Variants in SLC17A6 observed in about 807,000 individuals in gnomAD.
SLC17A6 encodes solute carrier family 17 member 6.
A neutral mutation model predicts 67.1 loss-of-function variants in SLC17A6; 35 were observed. The ratio of observed to expected loss-of-function variants is 0.52; its 90% CI spans 0.40 to 0.69. SLC17A6 has a LOEUF of 0.69. Ranked by LOEUF, SLC17A6 falls within the 30% of genes least tolerant of loss-of-function variation. SLC17A6 has a pLI of 0.00. For missense variants in SLC17A6, 588 were observed against 723.9 expected, an observed-to-expected ratio of 0.81 and a Z score of 2.15; for synonymous variants, 285 against 252.3, an observed-to-expected ratio of 1.13 and a Z score of -1.23.
intron 8 of SLC17A6, among the ~76,000 whole-genome samples, chr11:22,371,619 G>C (rs1856176577): frequency 1.3e-5 from 2 of 151,642 alleles, no homozygotes; most frequent in African/African-American, 4.8e-5. Context: ...GGCAGAGTGA[G>C]GAAGCCAACT....
At chr11:22,376,955 C>A (rs1564988211) in intron 11 of SLC17A6, among the ~76,000 whole-genome samples, 1 of 152,134 alleles carries the variant, frequency 6.6e-6, no homozygotes. Context: ...TATTAAAATA[C>A]TCAAGCAGAT....
In SLC17A6 at chr11:22,341,797, C is replaced by G; in HGVS notation, c.339+17C>G. 6.2e-7 allele frequency: 1 copy of G among 1,611,914 alleles called. No homozygotes were observed. The highest frequency in any genetic ancestry group is 1.3e-5 in the African/African-American group (1 of 75,040). ...ATCAAGGAGGTGGGCAACGTCTGGC[C>G]GCCCTGGCTCCTGCCCTTCGGCCAT... On this transcript the variant is annotated intron_variant, in intron 2 of 11. Transcript: ENST00000263160.
intron 1 of SLC17A6, among the ~76,000 whole-genome samples, chr11:22,339,176 A>G (rs952831074): frequency 1.6e-4 from 9 of 55,510 alleles, no homozygotes; most frequent in African/African-American, 3.9e-4. Flanking sequence ...TTATATATAT[A>G]TGTTTTATAT....
At chr11:22,342,320 G>C in intron 2 of SLC17A6, among the ~76,000 whole-genome samples, 1 of 152,064 alleles carries the variant, frequency 6.6e-6, no homozygotes, top group East Asian at 1.9e-4. Context: ...CCCAGAGAGG[G>C]GAGGGTCACG....
intron 9 of SLC17A6, 91 bp downstream of exon 9, chr11:22,374,978 C>A: frequency 8.0e-7 from 1 of 1,248,168 alleles, no homozygotes; most frequent in Non-Finnish European, 1.1e-6. Flanking sequence ...TATCAAATTA[C>A]TTAGATGCAG....
intron 3 of SLC17A6, among the ~76,000 whole-genome samples, chr11:22,352,542 A>T (rs1026899793): frequency 8.5e-5 from 13 of 152,258 alleles, no homozygotes; most frequent in African/African-American, 3.1e-4. Flanking sequence ...CACAAAAAGA[A>T]TTGGATGCTC....
intron 10 of SLC17A6, 58 bp from the exon 11 acceptor site, chr11:22,376,487 G>A (rs1229167301): frequency 1.2e-6 from 2 of 1,601,134 alleles, no homozygotes; most frequent in South Asian, 2.2e-5. Flanking sequence ...GGTTCTATAG[G>A]TATTTACTTC....
intron 7 of SLC17A6, among the ~76,000 whole-genome samples, chr11:22,367,754 C>T (rs1430869316): frequency 6.6e-6 from 1 of 151,958 alleles, no homozygotes; most frequent in East Asian, 1.9e-4. Flanking sequence ...TACAAATGAC[C>T]CCAGAAAGAA....
intron 1 of SLC17A6, among the ~76,000 whole-genome samples, chr11:22,340,221 A>G (rs1361493108): frequency 6.6e-6 from 1 of 152,230 alleles, no homozygotes; most frequent in African/African-American, 2.4e-5. Context: ...GTGAAAAGCA[A>G]TTACACGGTA....
At chr11:22,342,122 T>C (rs1855822464) in intron 2 of SLC17A6, among the ~76,000 whole-genome samples, 1 of 152,262 alleles carries the variant, frequency 6.6e-6, no homozygotes. Flanking sequence ...TAGTGTAGCA[T>C]ATTAATTATA....
rs1447513 is a variant in SLC17A6, at chr11:22,342,441, G to C, written c.339+661G>C. 0.022 allele frequency among the ~76,000 whole-genome samples: 3,379 copies of C among 152,160 alleles called. 275 individuals are homozygous for C. The East Asian group carries it at 0.29, about 13-fold the overall frequency. On this transcript the variant is annotated intron_variant, in intron 2 of 11. Coordinates refer to ENST00000263160, the MANE Select transcript of SLC17A6 (RefSeq NM_020346.3). ...AAACTGGGGAAGACTCTTGGAATCC[G>C]GGAGACCTTGCAAGATCCTCTGGGT...
intron 6 of SLC17A6, among the ~76,000 whole-genome samples, chr11:22,364,839 A>G (rs1019442406): frequency 6.6e-6 from 1 of 152,174 alleles, no homozygotes; most frequent in Non-Finnish European, 1.5e-5. Context: ...AAGAGTATTA[A>G]ATAAAGAAGA....
intron 4 of SLC17A6, among the ~76,000 whole-genome samples, chr11:22,359,732 CCTT>C (rs1233222722): frequency 6.6e-6 from 1 of 152,106 alleles, no homozygotes; most frequent in East Asian, 1.9e-4. Flanking sequence ...CTGCTTATCT[CCTT>C]CTCTCTAGAA....
Position 22,362,732 on chromosome 11 carries a change from A to G in SLC17A6, c.662-7A>G. 5 of 1,611,834 alleles carry G rather than the reference A, an allele frequency of 3.1e-6. No homozygotes were observed. The highest frequency in any genetic ancestry group is 4.2e-6 in the Non-Finnish European group (5 of 1,178,052). On this transcript the variant is annotated splice_polypyrimidine_tract_variant and splice_region_variant and intron_variant, in intron 5 of 11. Coordinates refer to ENST00000263160, the MANE Select transcript of SLC17A6 (RefSeq NM_020346.3). ...TCACCTTTCTCCCATTCTTCCTTAC[A>G]CTTTAGGTTCCTATGCCGGAGCTGT...
intron 2 of SLC17A6, 131 bp downstream of exon 2, chr11:22,341,911 C>T: frequency 2.2e-6 from 3 of 1,334,084 alleles, no homozygotes; most frequent in Non-Finnish European, 3.0e-6. Flanking sequence ...TCCTCTCTGG[C>T]TCTGCCGTTC....
chr11:22,369,770 A>C (rs902510254), intron 7 of SLC17A6, among the ~76,000 whole-genome samples: 2 of 151,966 alleles, frequency 1.3e-5, no homozygotes, highest in Non-Finnish European at 2.9e-5. Flanking sequence ...TTTTGGAATC[A>C]ATTTTCTATA....
chr11:22,339,126 TATGTTATATATATATGTTATATATA>T (rs1391124311), intron 1 of SLC17A6, among the ~76,000 whole-genome samples: 2,042 of 53,538 alleles, frequency 0.038, 309 homozygotes, highest in East Asian at 0.37. Flanking sequence ...GTTATATATA[TATGTTATATATATATGTTATATATA>T]GTTATATATA....
At chr11:22,351,848 T>G (rs1370851122) in intron 3 of SLC17A6, among the ~76,000 whole-genome samples, 1 of 152,152 alleles carries the variant, frequency 6.6e-6, no homozygotes, top group Admixed American at 6.5e-5. Flanking sequence ...TGAAACCCAA[T>G]TATAAGTGTC....
At chr11:22,374,423 TCAC>T (rs1254727481) in intron 8 of SLC17A6, among the ~76,000 whole-genome samples, 1 of 151,988 alleles carries the variant, frequency 6.6e-6, no homozygotes, top group Non-Finnish European at 1.5e-5. Flanking sequence ...TCTCTCTCTC[TCAC>T]CACTTTTCCT....
Sources: gnomAD v4.1 joint callset for allele counts (sites outside exome capture counted in the v4.1 genomes callset) on GRCh38, gnomAD v4.1.1 for gene constraint, MANE v1.5 for transcripts, NCBI Gene and HGNC (gene_info 2026-07-23, HGNC 2026-07-21) for gene names.